The following ANKFN1 variants were observed in gnomAD, a reference collection of about 807,000 sequenced individuals.
The protein encoded by ANKFN1 is ankyrin repeat and fibronectin type III domain containing 1.
In ANKFN1, 74 loss-of-function variants were observed where a neutral mutation model predicts 108.7. That is an observed-to-expected ratio of 0.68 (90% CI 0.56 to 0.83). The LOEUF (loss-of-function observed/expected upper bound fraction) is 0.83, where lower values mean the gene tolerates loss of function less well. ANKFN1 is among the 40% of genes least tolerant of loss of function. The probability of loss-of-function intolerance (pLI) is 0.00; values close to 1 mark genes in which losing one functional copy is unlikely to be tolerated. For missense variants in ANKFN1, 1,505 were observed against 1,382.3 expected (o/e 1.09, Z -1.41); for synonymous variants, 547 against 516.2 (o/e 1.06, Z -0.81).
chr17:56,081,220 A>G (rs1345501993), intron 4 of ANKFN1, among the ~76,000 whole-genome samples: 1 of 152,220 alleles, frequency 6.6e-6, no homozygotes, highest in Non-Finnish European at 1.5e-5. Flanking sequence ...GTGAAAGTTT[A>G]TTAAACAGCA....
At chr17:56,496,471 G>A (rs1313273825) in intron 19 of ANKFN1, among the ~76,000 whole-genome samples, 1 of 152,080 alleles carries the variant, frequency 6.6e-6, no homozygotes, top group Non-Finnish European at 1.5e-5. Context: ...GTGTTGGCAA[G>A]GCCACACTCC....
intron 16 of ANKFN1, 132 bp downstream of exon 16, chr17:56,477,786 C>G (rs2050556515): frequency 4.4e-6 from 4 of 910,240 alleles, no homozygotes; most frequent in Admixed American, 2.5e-5. Flanking sequence ...AGATGCCACA[C>G]TGAAGTGGGG....
intron 3 of ANKFN1, chr17:56,258,460 A>G (rs2043414247): frequency 6.6e-6 from 1 of 152,190 alleles, no homozygotes; most frequent in African/African-American, 2.4e-5. Flanking sequence ...CGTTGGGAAG[A>G]TGGTGACAAC....
At chr17:56,317,556 G>A (rs1020886724) in intron 3 of ANKFN1, among the ~76,000 whole-genome samples, 2 of 152,204 alleles carry the variant, frequency 1.3e-5, no homozygotes, top group African/African-American at 4.8e-5. Context: ...AACAGAAGGG[G>A]AGAGACTCCA....
intron 3 of ANKFN1, among the ~76,000 whole-genome samples, chr17:56,306,328 C>A (rs776228774): frequency 1.8e-4 from 28 of 152,090 alleles, no homozygotes; most frequent in Non-Finnish European, 3.2e-4. Flanking sequence ...TGATTTTTTT[C>A]CACTAGCATT....
intron 3 of ANKFN1, among the ~76,000 whole-genome samples, chr17:56,310,758 G>A (rs1321864390): frequency 6.6e-6 from 1 of 151,994 alleles, no homozygotes; most frequent in Non-Finnish European, 1.5e-5. Flanking sequence ...TTGTGTGTGT[G>A]TGTGTGTGTG....
chr17:56,471,104 T>A (rs77913778), intron 15 of ANKFN1: 2,490 of 152,216 alleles, frequency 0.016, 31 homozygotes, highest in Non-Finnish European at 0.021. Context: ...GATGAGTGAG[T>A]CGTTTTGTGT....
At chr17:56,475,307 A>T (rs16957274) in intron 15 of ANKFN1, among the ~76,000 whole-genome samples, 3,194 of 152,294 alleles carry the variant, frequency 0.021, 108 homozygotes, top group African/African-American at 0.073. Context: ...AAAAGTAGGG[A>T]TGACATCATA....
chr17:56,098,176 TCAC>T (rs1470766021), intron 4 of ANKFN1, among the ~76,000 whole-genome samples: 12 of 152,122 alleles, frequency 7.9e-5, no homozygotes, highest in African/African-American at 2.2e-4. Flanking sequence ...AAGAATGGAT[TCAC>T]CCCTAGAGCC....
chr17:56,355,141 T>G (rs8073797), intron 6 of ANKFN1, among the ~76,000 whole-genome samples: 125,485 of 152,098 alleles, frequency 0.83, 52,487 homozygotes, highest in East Asian at 0.96. Flanking sequence ...TGCATGAGGT[T>G]ATGGATACAC....
At chr17:56,433,336 T>C (rs576371769) in intron 8 of ANKFN1, among the ~76,000 whole-genome samples, 1 of 152,244 alleles carries the variant, frequency 6.6e-6, no homozygotes, top group African/African-American at 2.4e-5. Flanking sequence ...TATTCATCAA[T>C]GACATAAGCA....
At chr17:56,368,275 A>AATT in intron 6 of ANKFN1, 2 of 31,328 alleles carry the variant, frequency 6.4e-5, no homozygotes, top group Non-Finnish European at 2.0e-4. Context: ...CTGAAAATGA[A>AATT]CTTTTTTTTT....
intron 3 of ANKFN1, among the ~76,000 whole-genome samples, chr17:56,301,665 G>T (rs1304867335): frequency 1.3e-5 from 2 of 152,204 alleles, no homozygotes; most frequent in African/African-American, 4.8e-5. Context: ...GAGCTTTGAA[G>T]GGCTTCTCTC....
intron 4 of ANKFN1, among the ~76,000 whole-genome samples, chr17:56,122,881 T>C (rs1906707091): frequency 6.6e-6 from 1 of 152,192 alleles, no homozygotes; most frequent in Non-Finnish European, 1.5e-5. Flanking sequence ...AGGCACCACT[T>C]GGCTTCCATT....
rs542487396 is a variant in ANKFN1, at chr17:56,513,055, G to A, written c.*1786G>A. Among the ~76,000 whole-genome samples the A allele has an allele frequency of 1.3e-5, 2 of 152,288 alleles. No individual in the cohort carries two copies. The highest frequency in any genetic ancestry group is 4.1e-4 in the South Asian group (2 of 4,820). Reference sequence around the variant, plus strand: ...CCCATAAAATTTATCTAAGTCCGTGGGTTTGCAGGTAGGGCAATTAAGACC... The same window carrying A: ...CCCATAAAATTTATCTAAGTCCGTGAGTTTGCAGGTAGGGCAATTAAGACC... On this transcript the variant is annotated 3_prime_UTR_variant, in exon 21 of 21. Transcript: ENST00000682825.
At chr17:56,414,425 G>C (rs1427235467) in intron 8 of ANKFN1, among the ~76,000 whole-genome samples, 1 of 152,094 alleles carries the variant, frequency 6.6e-6, no homozygotes, top group African/African-American at 2.4e-5. Context: ...ACTATAACCA[G>C]ACAAAGACAC....
chr17:56,231,931 G>A (rs143535655), intron 3 of ANKFN1, among the ~76,000 whole-genome samples: 1 of 152,088 alleles, frequency 6.6e-6, no homozygotes, highest in Non-Finnish European at 1.5e-5. Context: ...ATCTTCTCTC[G>A]AAGCCCTTCC....
chr17:56,203,851 C>T (rs528112854), intron 1 of ANKFN1, among the ~76,000 whole-genome samples: 12 of 152,036 alleles, frequency 7.9e-5, no homozygotes, highest in Admixed American at 2.6e-4. Context: ...TAATCTAGCC[C>T]GGGGCATCTA....
chr17:56,138,512 C>CTT (rs59070658), intron 4 of ANKFN1, among the ~76,000 whole-genome samples: 4 of 135,792 alleles, frequency 2.9e-5, no homozygotes, highest in Non-Finnish European at 6.4e-5. Context: ...TTTTTCTTTT[C>CTT]TTTTTTTTTT....
Sources: allele counts gnomAD v4.1 joint callset (sites outside exome capture counted in the v4.1 genomes callset), GRCh38; gene constraint gnomAD v4.1.1; transcripts MANE v1.5; gene names NCBI Gene and HGNC (gene_info 2026-07-23, HGNC 2026-07-21).